PDE11A: variants seen among roughly 807,000 people sequenced by gnomAD.
PDE11A encodes the protein phosphodiesterase 11A, also known as dual 3',5'-cyclic-AMP and -GMP phosphodiesterase 11A.
A neutral mutation model predicts 100.5 loss-of-function variants in PDE11A; 100 were observed. That is an observed-to-expected ratio of 1.00 (90% confidence interval 0.85 to 1.18). PDE11A has a LOEUF of 1.18. PDE11A is among the 50% of genes most tolerant of loss of function. PDE11A has a pLI of 0.00. For missense variants in PDE11A, 1,141 were observed against 1,152.6 expected, an observed-to-expected ratio of 0.99 and a Z score of 0.15; for synonymous variants, 381 against 420.8, an observed-to-expected ratio of 0.91 and a Z score of 1.16.
At position 178,071,648 on chromosome 2, in the gene PDE11A, T is replaced by C; in HGVS notation, c.790A>G (p.Thr264Ala). ...VSKFFDVHAG[T>A]PLLPCSSTEN... is the part of the protein sequence containing the mutation. ...GTGCTGCTGCAAGGCAGCAGAGGTG[T>C]TCCTGCATGCACATCAAAGAATTTG... Residue 264 changes from threonine (T) to alanine (A), a missense_variant, in exon 1 of 20, where the codon ACA becomes GCA. By Grantham distance (58) the Thr-to-Ala change is moderately conservative. Coordinates refer to ENST00000286063, the MANE Select transcript of PDE11A (RefSeq NM_016953.4). 1 of 1,612,772 alleles carries C rather than the reference T, an allele frequency of 6.2e-7. No individual in the cohort carries two copies. Among genetic ancestry groups the C allele is most frequent in the Non-Finnish European group, 8.5e-7 (1 of 1,178,796 alleles).
At chr2:178,057,768 C>T (rs1329721109) in intron 1 of PDE11A, among the ~76,000 whole-genome samples, 1 of 152,186 alleles carries the variant, frequency 6.6e-6, no homozygotes, top group African/African-American at 2.4e-5. Context: ...GATAGCCCTG[C>T]ACCTGACCAG....
intron 2 of PDE11A, among the ~76,000 whole-genome samples, chr2:178,010,994 C>G (rs572915689): frequency 6.6e-6 from 1 of 152,230 alleles, no homozygotes; most frequent in South Asian, 2.1e-4. Context: ...AGGACAAACA[C>G]AGGCTATTTA....
chr2:177,848,146 C>A (rs1476247733), intron 5 of PDE11A, among the ~76,000 whole-genome samples: 1 of 151,946 alleles, frequency 6.6e-6, no homozygotes, highest in African/African-American at 2.4e-5. Context: ...TTTTTTAAAG[C>A]AAGTCATTTG....
chr2:177,892,497 C>G (rs555662430), intron 4 of PDE11A, among the ~76,000 whole-genome samples: 28 of 152,318 alleles, frequency 1.8e-4, no homozygotes, highest in Admixed American at 1.1e-3. Context: ...TTCTATAACT[C>G]AACTAAATTT....
At chr2:177,776,100 A>AT (rs34330915) in intron 9 of PDE11A, among the ~76,000 whole-genome samples, 8 of 152,158 alleles carry the variant, frequency 5.3e-5, no homozygotes, top group African/African-American at 1.2e-4. Flanking sequence ...GAATTAGTGT[A>AT]TTTTTTTCAA....
At chr2:177,780,830 G>C (rs1343630025) in intron 9 of PDE11A, among the ~76,000 whole-genome samples, 4 of 152,198 alleles carry the variant, frequency 2.6e-5, no homozygotes, top group Non-Finnish European at 4.4e-5. Flanking sequence ...TTAGGCTTTG[G>C]CTTAAGAGAA....
intron 2 of PDE11A, among the ~76,000 whole-genome samples, chr2:177,937,551 T>G (rs1456786934): frequency 6.6e-6 from 1 of 152,108 alleles, no homozygotes; most frequent in African/African-American, 2.4e-5. Context: ...ACTCCTGACC[T>G]CGTGATCTGC....
At chr2:177,706,189 T>A (rs1037664482) in intron 13 of PDE11A, among the ~76,000 whole-genome samples, 4 of 152,238 alleles carry the variant, frequency 2.6e-5, no homozygotes, top group Non-Finnish European at 5.9e-5. Flanking sequence ...CCACACTTTT[T>A]ATTGTAGAGG....
At chr2:177,936,855 G>C (rs113367696) in intron 2 of PDE11A, among the ~76,000 whole-genome samples, 1 of 152,124 alleles carries the variant, frequency 6.6e-6, no homozygotes, top group African/African-American at 2.4e-5. Flanking sequence ...CAAGAGGTGG[G>C]AGGTTGCAGT....
At chr2:177,668,725 G>T (rs1371108068) in intron 18 of PDE11A, among the ~76,000 whole-genome samples, 2 of 152,108 alleles carry the variant, frequency 1.3e-5, no homozygotes, top group Non-Finnish European at 2.9e-5. Flanking sequence ...GTTAATTTGG[G>T]TTCTCATAAA....
intron 1 of PDE11A, among the ~76,000 whole-genome samples, chr2:178,043,715 G>C (rs2086710919): frequency 6.6e-6 from 1 of 152,138 alleles, no homozygotes; most frequent in Non-Finnish European, 1.5e-5. Flanking sequence ...ATCTGTGCCA[G>C]AGTTTTGCAC....
At chr2:177,788,986 C>G (rs2082585795) in intron 9 of PDE11A, among the ~76,000 whole-genome samples, 1 of 152,206 alleles carries the variant, frequency 6.6e-6, no homozygotes, top group Non-Finnish European at 1.5e-5. Flanking sequence ...ACCATTCCCT[C>G]TGAAACTATT....
chr2:177,637,999 T>TATATATATATATATATATA (rs1559120768), intron 19 of PDE11A, among the ~76,000 whole-genome samples: 1 of 35,346 alleles, frequency 2.8e-5, no homozygotes, highest in African/African-American at 1.0e-4. Context: ...ATATATATAT[T>TATATATATATATATATATA]TTTTTTTTTT....
intron 2 of PDE11A, among the ~76,000 whole-genome samples, chr2:178,088,765 G>A (rs535438706): frequency 6.6e-6 from 1 of 152,058 alleles, no homozygotes; most frequent in Non-Finnish European, 1.5e-5. Context: ...AATTCTCCTG[G>A]TTCCTGTTAA....
At chr2:177,858,709 C>T (rs572112061) in intron 5 of PDE11A, among the ~76,000 whole-genome samples, 2 of 152,226 alleles carry the variant, frequency 1.3e-5, no homozygotes, top group Admixed American at 1.3e-4. Context: ...GGATCTAGAA[C>T]TAGAAATACC....
chr2:177,928,073 C>T (rs1316061071), intron 2 of PDE11A, among the ~76,000 whole-genome samples: 153 of 137,138 alleles, frequency 1.1e-3, no homozygotes, highest in African/African-American at 1.4e-3. Flanking sequence ...CATTGCACTC[C>T]AGCCTGGGCA....
chr2:178,095,491 C>T (rs909226896), intron 2 of PDE11A, among the ~76,000 whole-genome samples: 4 of 152,230 alleles, frequency 2.6e-5, no homozygotes, highest in Non-Finnish European at 5.9e-5. Context: ...TGGCTGCTTT[C>T]ACAGGCTGGC....
At chr2:178,064,985 C>A (rs557688223) in intron 1 of PDE11A, among the ~76,000 whole-genome samples, 3 of 151,774 alleles carry the variant, frequency 2.0e-5, no homozygotes, top group African/African-American at 7.3e-5. Flanking sequence ...ATGAAAAAAA[C>A]CTCAGGAATT....
intron 19 of PDE11A, among the ~76,000 whole-genome samples, chr2:177,638,594 T>C (rs894915736): frequency 4.0e-5 from 6 of 151,288 alleles, no homozygotes; most frequent in African/African-American, 1.2e-4. Flanking sequence ...TGTTGGGTGA[T>C]GGATTTTTTT....
Sources: gnomAD v4.1 joint callset for allele counts (sites outside exome capture counted in the v4.1 genomes callset) on GRCh38, gnomAD v4.1.1 for gene constraint, MANE v1.5 for transcripts, NCBI Gene and HGNC (gene_info 2026-07-23, HGNC 2026-07-21) for gene names.